PARD3: variants seen among roughly 807,000 people sequenced by gnomAD.
PARD3 encodes the protein par-3 family cell polarity regulator, also known as partitioning defective 3 homolog.
In PARD3, 75 loss-of-function variants were observed where a neutral mutation model predicts 155.4. The observed-to-expected ratio is 0.48, with a 90% CI of 0.40 to 0.58. The LOEUF (loss-of-function observed/expected upper bound fraction) is 0.58, where lower values mean the gene tolerates loss of function less well. Among genes scored for constraint, PARD3 ranks in the 20% least tolerant of loss-of-function variants. PARD3 has a pLI of 0.00. For missense variants in PARD3, 1,642 were observed against 1,721.7 expected (o/e 0.95, Z 0.82); for synonymous variants, 576 against 610.5 (o/e 0.94, Z 0.83).
chr10:34,801,872 G>A (rs981997775), intron 1 of PARD3, among the ~76,000 whole-genome samples: 2 of 152,084 alleles, frequency 1.3e-5, no homozygotes, highest in African/African-American at 2.4e-5. Flanking sequence ...TTATAACACA[G>A]ATTATCTATT....
chr10:34,318,897 C>A (rs1958189418), intron 19 of PARD3, among the ~76,000 whole-genome samples: 2 of 151,850 alleles, frequency 1.3e-5, no homozygotes, highest in Admixed American at 1.3e-4. Context: ...TCCCGAGTAG[C>A]TGGGATTACA....
rs560584452 is a variant in PARD3 at position 34,747,484 on chromosome 10, G to A, written c.121-51065C>T. 3.3e-5 allele frequency among the ~76,000 whole-genome samples: 5 copies of A among 152,248 alleles called. No homozygotes were observed. In the East Asian group the frequency reaches 5.8e-4, roughly 18 times the overall value. ...AAAAAAAGAAAAGCAAAAATGGATC[G>A]CTAAATGCAAAGCCAAATCCTCATA... is the stretch of plus-strand genomic sequence containing the variant. On this transcript the variant is annotated intron_variant, in intron 1 of 24. Transcript: ENST00000374788.
intron 22 of PARD3, among the ~76,000 whole-genome samples, chr10:34,174,292 T>G (rs1949938656): frequency 6.6e-6 from 1 of 152,178 alleles, no homozygotes; most frequent in Non-Finnish European, 1.5e-5. Context: ...AGGTTGAGCT[T>G]GAGAAGAGTG....
chr10:34,498,064 T>C (rs1795370999), intron 3 of PARD3, among the ~76,000 whole-genome samples: 1 of 152,146 alleles, frequency 6.6e-6, no homozygotes, highest in African/African-American at 2.4e-5. Context: ...CCATAAGATA[T>C]ATTACTATAA....
intron 22 of PARD3, among the ~76,000 whole-genome samples, chr10:34,228,469 T>C (rs149679790): frequency 6.6e-6 from 1 of 152,234 alleles, no homozygotes; most frequent in African/African-American, 2.4e-5. Context: ...GTTCCATTTA[T>C]ATGAAATGTC....
intron 4 of PARD3, among the ~76,000 whole-genome samples, chr10:34,455,935 T>C (rs560182747): frequency 6.6e-6 from 1 of 152,234 alleles, no homozygotes; most frequent in South Asian, 2.1e-4. Context: ...CCTAAGCCAG[T>C]ATCCAGCACA....
chr10:34,280,962 A>AT (rs1270109662), intron 21 of PARD3, among the ~76,000 whole-genome samples: 1 of 152,224 alleles, frequency 6.6e-6, no homozygotes, highest in Non-Finnish European at 1.5e-5. Context: ...AACAGAACAC[A>AT]TTCTCTGCTG....
chr10:34,647,668 T>C (rs940880177), intron 2 of PARD3, among the ~76,000 whole-genome samples: 1 of 152,254 alleles, frequency 6.6e-6, no homozygotes, highest in African/African-American at 2.4e-5. Context: ...TTTTCCATTA[T>C]CATAACTTAA....
At chr10:34,621,003 A>G (rs549700921) in intron 2 of PARD3, among the ~76,000 whole-genome samples, 37 of 152,352 alleles carry the variant, frequency 2.4e-4, no homozygotes, top group South Asian at 4.1e-4. Context: ...CAAAAATGGT[A>G]CACATTTACC....
At chr10:34,620,089 G>A (rs1406826500) in intron 2 of PARD3, among the ~76,000 whole-genome samples, 1 of 152,098 alleles carries the variant, frequency 6.6e-6, no homozygotes, top group Non-Finnish European at 1.5e-5. Flanking sequence ...ATAAAATATA[G>A]ATATTGTTCA....
chr10:34,608,343 C>T (rs181298845), intron 2 of PARD3, among the ~76,000 whole-genome samples: 4 of 152,106 alleles, frequency 2.6e-5, no homozygotes, highest in East Asian at 1.9e-4. Context: ...ATAATACAAA[C>T]GTTGGGAAAG....
At chr10:34,440,944 G>A (rs905451277) in intron 5 of PARD3, among the ~76,000 whole-genome samples, 4 of 151,922 alleles carry the variant, frequency 2.6e-5, no homozygotes, top group African/African-American at 9.7e-5. Flanking sequence ...AAACAAAAGA[G>A]AATATAAGGA....
At position 34,149,005 on chromosome 10, in the gene PARD3, C is replaced by A. The variant is rs539149766; in HGVS notation, c.3420-17422G>T. On this transcript the variant is annotated intron_variant, in intron 22 of 24. Coordinates refer to ENST00000374788, the MANE Select transcript of PARD3 (RefSeq NM_001184785.2). ...TGATCATGACACATTTTATAAATGT[C>A]TAAGAAGACAGAAAATGCTGTCAAT... is the stretch of plus-strand genomic sequence containing the variant. Among the ~76,000 whole-genome samples, 5 of 152,144 alleles carry A rather than the reference C, an allele frequency of 3.3e-5. No homozygotes were observed. The South Asian group carries it at 6.2e-4, about 19-fold the overall frequency.
chr10:34,304,418 C>T (rs796986754), intron 20 of PARD3, among the ~76,000 whole-genome samples: 10 of 151,898 alleles, frequency 6.6e-5, no homozygotes, highest in Middle Eastern at 6.8e-3. Context: ...AGGAATAAAA[C>T]GTGAAAGTCA....
chr10:34,318,670 A>C (rs1335628661), intron 19 of PARD3, among the ~76,000 whole-genome samples: 5 of 152,228 alleles, frequency 3.3e-5, no homozygotes, highest in African/African-American at 1.2e-4. Flanking sequence ...AGACTATCAA[A>C]TGGTGGTATA....
At position 34,269,653 on chromosome 10, in the gene PARD3, C is replaced by T. The variant is rs1290694661; in HGVS notation, c.3419+4G>A. Reference sequence around the variant, plus strand: ...GCAATACCACGATTGCCCCTGGCGCCTACCTGTCTACAGGTGAGGGTTTGG... The same window carrying T: ...GCAATACCACGATTGCCCCTGGCGCTTACCTGTCTACAGGTGAGGGTTTGG... On this transcript the variant is annotated splice_donor_region_variant and intron_variant, in intron 22 of 24. Transcript: ENST00000374788. 1 of 1,613,236 alleles carries T rather than the reference C, an allele frequency of 6.2e-7. No homozygotes were observed. Among genetic ancestry groups the T allele is most frequent in the Admixed American group, 1.7e-5 (1 of 59,972 alleles).
At chr10:34,173,113 T>C (rs1342647219) in intron 22 of PARD3, among the ~76,000 whole-genome samples, 1 of 152,220 alleles carries the variant, frequency 6.6e-6, no homozygotes, top group Non-Finnish European at 1.5e-5. Flanking sequence ...AGGCATTAAT[T>C]TTGCACATAT....
At chr10:34,573,736 A>AAC (rs60211169) in intron 2 of PARD3, among the ~76,000 whole-genome samples, 143 of 39,588 alleles carry the variant, frequency 3.6e-3, no homozygotes, top group Admixed American at 7.9e-3. Context: ...AACAAACAAA[A>AAC]ACACACACAC....
At chr10:34,792,120 G>A (rs766268101) in intron 1 of PARD3, among the ~76,000 whole-genome samples, 4 of 152,100 alleles carry the variant, frequency 2.6e-5, no homozygotes, top group Non-Finnish European at 4.4e-5. Flanking sequence ...GCGCGCCCAC[G>A]TGCTTGCCCC....
Sources: allele counts gnomAD v4.1 joint callset (sites outside exome capture counted in the v4.1 genomes callset), GRCh38; gene constraint gnomAD v4.1.1; transcripts MANE v1.5; gene names NCBI Gene and HGNC (gene_info 2026-07-23, HGNC 2026-07-21).